The following ANK2 variants were observed in gnomAD, a reference collection of about 807,000 sequenced individuals.
ANK2 encodes the protein ankyrin 2.
Under a neutral mutation model 360.5 loss-of-function variants are expected in ANK2, and 83 were observed. The ratio of observed to expected loss-of-function variants is 0.23; its 90% CI spans 0.19 to 0.28. The LOEUF is 0.28. Among genes scored for constraint, ANK2 ranks in the 10% least tolerant of loss-of-function variants. ANK2 has a pLI of 1.00. For missense variants in ANK2, 4,201 were observed against 4,795.7 expected, an observed-to-expected ratio of 0.88 and a Z score of 3.66; for synonymous variants, 1,740 against 1,759.5, an observed-to-expected ratio of 0.99 and a Z score of 0.28.
At chr4:113,048,702 C>G (rs150192167), upstream of ANK2, among the ~76,000 whole-genome samples, 6 of 151,734 alleles carry the variant, frequency 4.0e-5, no homozygotes, top group East Asian at 1.2e-3. Context: ...TAGTATACAC[C>G]CCTTGAGAGG....
the ANK2 span, among the ~76,000 whole-genome samples, chr4:112,771,199 G>A: frequency 6.6e-6 from 1 of 152,112 alleles, no homozygotes; most frequent in Non-Finnish European, 1.5e-5. Flanking sequence ...CACGACCTTC[G>A]CCTCCCGGGT....
rs1340983960 is a variant in ANK2, at chr4:113,355,254, C to G, written c.6636C>G (p.Gly2212=). 6.2e-7 allele frequency: 1 copy of G among 1,614,084 alleles called. No homozygotes were observed. Among genetic ancestry groups the G allele is most frequent in the South Asian group, 1.1e-5 (1 of 91,078 alleles). The change falls in exon 38 of 46, where the codon GGC becomes GGG. Residue 2212 remains glycine, a synonymous_variant. Coordinates refer to ENST00000357077, the MANE Select transcript of ANK2 (RefSeq NM_001148.6). ...SESLKNEGVA[G]SPCGSLMEGT... ...GCCTAAAGAATGAGGGGGTAGCCGG[C>G]TCTCCGTGTGGCAGCCTGATGGAGG... is the stretch of plus-strand genomic sequence containing the variant.
At chr4:112,800,172 T>C in the ANK2 span, among the ~76,000 whole-genome samples, 94,774 of 152,008 alleles carry the variant, frequency 0.62, 31,308 homozygotes, top group East Asian at 0.93. Context: ...TCTCCAAGAG[T>C]TCATATTCTG....
At chr4:112,767,593 T>TAAATAAAA in the ANK2 span, among the ~76,000 whole-genome samples, 1 of 151,222 alleles carries the variant, frequency 6.6e-6, no homozygotes, top group Non-Finnish European at 1.5e-5. Context: ...AATAAATAAA[T>TAAATAAAA]AAATAATAAA....
chr4:112,851,316 C>T (rs2064936834), intron 1 of ANK2, among the ~76,000 whole-genome samples: 1 of 152,178 alleles, frequency 6.6e-6, no homozygotes, highest in Non-Finnish European at 1.5e-5. Context: ...CCAGCTTTTG[C>T]TCCCAAGTTC....
chr4:113,234,481 G>T (rs2099355317), intron 5 of ANK2, among the ~76,000 whole-genome samples: 1 of 151,884 alleles, frequency 6.6e-6, no homozygotes, highest in Non-Finnish European at 1.5e-5. Context: ...TGCACTAATG[G>T]TTATCAAAAA....
chr4:113,258,230 T>G, intron 12 of ANK2, 82 bp downstream of exon 12: 1 of 1,575,270 alleles, frequency 6.3e-7, no homozygotes, highest in East Asian at 2.2e-5. Context: ...TTCTGTCCTC[T>G]TCACTCAAGT....
intron 2 of ANK2, among the ~76,000 whole-genome samples, chr4:113,040,602 C>A (rs1360765235): frequency 2.0e-5 from 3 of 152,104 alleles, no homozygotes; most frequent in Admixed American, 6.6e-5. Context: ...CTCCCTTAAT[C>A]ATTCACTGAG....
At position 113,214,263 on chromosome 4, in the gene ANK2, A is replaced by G. The variant is rs368750832; in HGVS notation, c.384+15154A>G. On this transcript the variant is annotated intron_variant, in intron 4 of 45. Coordinates refer to ENST00000357077, the MANE Select transcript of ANK2 (RefSeq NM_001148.6). The stretch of plus-strand genomic sequence containing the variant: ...GTCCCTGACTGCTGCGGCCTCCACT[A>G]TGTTTCGAATGACGAATTTCTTAAT... 185 of 1,114,774 alleles carry G rather than the reference A, an allele frequency of 1.7e-4. 10 individuals are homozygous for G. In the East Asian group the frequency reaches 2.2e-3, roughly 13 times the overall value. 69.1% of individuals were successfully genotyped at this position (1,114,774 alleles called of 1,614,324 possible).
rs138006583 is a variant in ANK2, at chr4:113,369,193, T to A, written c.11319-321T>A. Among the ~76,000 whole-genome samples the A allele has an allele frequency of 5.4e-4, 82 of 152,314 alleles. No homozygotes were observed. In the East Asian group the frequency reaches 0.012, roughly 22 times the overall value. ...TGTAAAATTCCTCGCATCCTCAATA[T>A]CACCTTGAGTTATAAAAGAAAAGAT... is the stretch of plus-strand genomic sequence containing the variant. On this transcript the variant is annotated intron_variant, in intron 42 of 45. Transcript: ENST00000357077.
chr4:113,101,179 AAACATTTTTCCG>A, intron 1 of ANK2, among the ~76,000 whole-genome samples: 1 of 152,278 alleles, frequency 6.6e-6, no homozygotes, highest in Non-Finnish European at 1.5e-5. Flanking sequence ...TCAACAACAA[AAACATTTTTCCG>A]AATTATAGAG....
At chr4:113,222,399 T>C (rs2099161531) in intron 4 of ANK2, among the ~76,000 whole-genome samples, 1 of 151,284 alleles carries the variant, frequency 6.6e-6, no homozygotes, top group Admixed American at 6.6e-5. Flanking sequence ...CAATTTTTTT[T>C]TTTTTTTTTT....
intron 1 of ANK2, among the ~76,000 whole-genome samples, chr4:113,130,197 G>T (rs201183963): frequency 6.6e-5 from 10 of 152,090 alleles, no homozygotes; most frequent in Non-Finnish European, 1.0e-4. Context: ...ATAAGCAGCA[G>T]TTGCTCTCCA....
At chr4:113,225,527 A>T (rs2153508425) in intron 4 of ANK2, among the ~76,000 whole-genome samples, 1 of 152,294 alleles carries the variant, frequency 6.6e-6, no homozygotes, top group East Asian at 1.9e-4. Flanking sequence ...GGAAGAATAA[A>T]GTTATGCATG....
the ANK2 span, among the ~76,000 whole-genome samples, chr4:112,762,508 TTTGTTG>T: frequency 6.6e-6 from 1 of 152,214 alleles, no homozygotes; most frequent in East Asian, 1.9e-4. Flanking sequence ...CTTTTCTAAT[TTTGTTG>T]TTGTTGTTGT....
intron 27 of ANK2, 152 bp downstream of exon 27, chr4:113,330,622 A>G (rs957535911): frequency 2.0e-5 from 15 of 733,062 alleles, no homozygotes; most frequent in East Asian, 2.7e-5. Flanking sequence ...TAGCACCTCA[A>G]TGCTTGACTC....
intron 1 of ANK2, among the ~76,000 whole-genome samples, chr4:112,885,291 G>T (rs2077957919): frequency 6.6e-6 from 1 of 151,760 alleles, no homozygotes; most frequent in African/African-American, 2.4e-5. Context: ...ACGAGGTCAG[G>T]AGTTCGAGAC....
intron 2 of ANK2, among the ~76,000 whole-genome samples, chr4:112,917,287 A>T (rs979100478): frequency 1.3e-5 from 2 of 152,202 alleles, no homozygotes; most frequent in African/African-American, 4.8e-5. Context: ...TTCATATTAC[A>T]TCCTGGTCAA....
intron 2 of ANK2, among the ~76,000 whole-genome samples, chr4:112,993,166 C>A (rs2047383862): frequency 6.6e-6 from 1 of 151,930 alleles, no homozygotes; most frequent in Admixed American, 6.6e-5. Context: ...CCCCTGTAGT[C>A]CCAGGTACTC....
Sources: gnomAD v4.1 joint callset for allele counts (sites outside exome capture counted in the v4.1 genomes callset) on GRCh38, gnomAD v4.1.1 for gene constraint, MANE v1.5 for transcripts, NCBI Gene and HGNC (gene_info 2026-07-23, HGNC 2026-07-21) for gene names.